The following CFAP47 variants were observed in gnomAD, a reference collection of about 807,000 sequenced individuals.
CFAP47 encodes cilia- and flagella-associated protein 47.
CFAP47 carries 29 observed loss-of-function variants against 148.1 expected under a neutral mutation model. The ratio of observed to expected loss-of-function variants is 0.20; its 90% CI spans 0.15 to 0.27. CFAP47 has a LOEUF of 0.27. Ranked by LOEUF, CFAP47 falls within the 10% of genes least tolerant of loss-of-function variation. The pLI, the probability that CFAP47 is intolerant of heterozygous loss-of-function variation, is 1.00. For missense variants in CFAP47, 1,872 were observed against 1,697.5 expected, an observed-to-expected ratio of 1.10 and a Z score of -1.81; for synonymous variants, 664 against 577.3, an observed-to-expected ratio of 1.15 and a Z score of -2.15.
At chrX:35,987,840 G>A (rs1381807780) in intron 15 of CFAP47, among the ~76,000 whole-genome samples, 7 of 111,400 alleles carry the variant, frequency 6.3e-5, no homozygotes, top group Non-Finnish European at 1.1e-4. Flanking sequence ...GGTCCATCAC[G>A]GCTTCCCTTG....
At position 35,948,478 on chromosome X, in the gene CFAP47, A is replaced by G. The variant is rs778663632; in HGVS notation, c.656+26A>G. 3.6e-6 allele frequency: 4 copies of G among 1,118,561 alleles called. No individual in the cohort carries two copies. The South Asian group carries it at 8.0e-5, about 22-fold the overall frequency. The allele number at this position is 1,118,561 out of a possible 1,213,427, so 92.2% of individuals were successfully genotyped here. A position where few individuals can be genotyped will look rare whatever the true frequency, so the allele number is the denominator to read the frequency against. ...GTGAGTATATACTGTGGTTCTAAAA[A>G]TTATAATACAGATCTCAATGCTTTC... On this transcript the variant is annotated intron_variant, in intron 4 of 63. Coordinates refer to ENST00000378653, the MANE Select transcript of CFAP47 (RefSeq NM_001304548.2).
At chrX:36,010,488 C>T (rs373877604) in intron 21 of CFAP47, among the ~76,000 whole-genome samples, 3 of 102,902 alleles carry the variant, frequency 2.9e-5, no homozygotes, top group Non-Finnish European at 5.9e-5. Context: ...GATGGAGTCT[C>T]GCTCTGTTGC....
intron 62 of CFAP47, among the ~76,000 whole-genome samples, chrX:36,368,435 G>A (rs1556020755): frequency 9.0e-6 from 1 of 110,921 alleles, no homozygotes; most frequent in Non-Finnish European, 1.9e-5. Context: ...CTTTAAGGAG[G>A]TAAAGTCAGT....
At chrX:36,005,049 G>T (rs73468945) in intron 21 of CFAP47, among the ~76,000 whole-genome samples, 1 of 109,609 alleles carries the variant, frequency 9.1e-6, no homozygotes, top group Non-Finnish European at 1.9e-5. Context: ...AATTTAGTTC[G>T]TTCTTTCATT....
intron 58 of CFAP47, among the ~76,000 whole-genome samples, chrX:36,349,359 G>A (rs1456245606): frequency 1.8e-5 from 2 of 111,206 alleles, no homozygotes; most frequent in African/African-American, 6.5e-5. Flanking sequence ...CGCCTCCCAG[G>A]TTCAAGCAAT....
intron 45 of CFAP47, among the ~76,000 whole-genome samples, chrX:36,225,407 G>T (rs781889547): frequency 2.1e-4 from 24 of 111,655 alleles, no homozygotes; most frequent in African/African-American, 7.1e-4. Context: ...GACAGCACAG[G>T]GTAGCTGGGT....
intron 46 of CFAP47, among the ~76,000 whole-genome samples, chrX:36,229,717 G>A (rs1466162628): frequency 4.7e-5 from 5 of 107,394 alleles, no homozygotes; most frequent in South Asian, 4.2e-4. Flanking sequence ...CCATTAATTC[G>A]TCATTTAGCA....
chrX:36,096,776 A>T (rs969411011), intron 30 of CFAP47, among the ~76,000 whole-genome samples: 1 of 110,207 alleles, frequency 9.1e-6, no homozygotes, highest in African/African-American at 3.3e-5. Context: ...AGATCATGGG[A>T]TCTTTGTTCA....
At chrX:35,971,039 C>A (rs1331393138) in intron 11 of CFAP47, 116 bp downstream of exon 11, 15 of 539,032 alleles carry the variant, frequency 2.8e-5, no homozygotes, top group South Asian at 3.7e-5. Context: ...CATTTCAATA[C>A]GTGATAAAAG....
intron 40 of CFAP47, among the ~76,000 whole-genome samples, chrX:36,182,998 C>G (rs767788020): frequency 2.5e-4 from 28 of 112,291 alleles, no homozygotes; most frequent in Middle Eastern, 4.7e-3. Context: ...CCACAACTAT[C>G]GTTGAAACAC....
chrX:36,233,802 C>A (rs1331313613), intron 46 of CFAP47, among the ~76,000 whole-genome samples: 1 of 110,534 alleles, frequency 9.0e-6, no homozygotes, highest in African/African-American at 3.3e-5. Context: ...TCTTTTAGGG[C>A]AGGCCTGGTG....
At chrX:36,176,967 G>A in intron 39 of CFAP47, among the ~76,000 whole-genome samples, 1 of 112,145 alleles carries the variant, frequency 8.9e-6, no homozygotes, top group East Asian at 2.8e-4. Context: ...TTAAGAACTT[G>A]TTTTAAATAA....
intron 57 of CFAP47, among the ~76,000 whole-genome samples, chrX:36,341,154 G>C (rs1556015703): frequency 1.9e-5 from 2 of 107,562 alleles, no homozygotes; most frequent in Non-Finnish European, 3.8e-5. Context: ...TCCTGCCTCA[G>C]CTTCCCGAGT....
At chrX:36,058,821 C>T (rs752712169) in intron 26 of CFAP47, among the ~76,000 whole-genome samples, 1 of 111,859 alleles carries the variant, frequency 8.9e-6, no homozygotes, top group South Asian at 3.7e-4. Context: ...GATGTCAGAT[C>T]GTCTGCTAAC....
At chrX:36,191,839 T>A (rs1283535307) in intron 42 of CFAP47, among the ~76,000 whole-genome samples, 1 of 110,034 alleles carries the variant, frequency 9.1e-6, no homozygotes, top group Non-Finnish European at 1.9e-5. Context: ...AAAAATCAGC[T>A]GGGCATAGTG....
At position 36,371,793 on chromosome X, in the gene CFAP47, T is replaced by C. The variant is rs183508266; in HGVS notation, c.9185+4666T>C. On this transcript the variant is annotated intron_variant, in intron 62 of 63. Transcript: ENST00000378653. ...ATACACACATGTGTATATATGTGTG[T>C]ATATACACACATGTATATATGTGTG... is the stretch of plus-strand genomic sequence containing the variant. Among the ~76,000 whole-genome samples, 125 of 52,171 alleles carry C rather than the reference T, an allele frequency of 2.4e-3. 17 individuals carry two copies. The highest frequency in any genetic ancestry group is 0.013 in the African/African-American group (56 of 4,337). The allele number at this position is 52,171 out of a possible 115,157, so 45.3% of individuals were successfully genotyped here. A position where few individuals can be genotyped will look rare whatever the true frequency, so the allele number is the denominator to read the frequency against.
chrX:36,082,228 T>G (rs757846494), intron 29 of CFAP47, among the ~76,000 whole-genome samples: 1 of 111,239 alleles, frequency 9.0e-6, no homozygotes, highest in Non-Finnish European at 1.9e-5. Flanking sequence ...TAAGTCAATA[T>G]AACAGGCCTG....
chrX:36,271,410 G>A (rs1940957513), intron 49 of CFAP47, among the ~76,000 whole-genome samples: 1 of 110,932 alleles, frequency 9.0e-6, no homozygotes. Flanking sequence ...GGTGTGAGGG[G>A]ACCAATTGCA....
chrX:36,228,283 G>C (rs1300577088), intron 45 of CFAP47, among the ~76,000 whole-genome samples: 3 of 111,053 alleles, frequency 2.7e-5, no homozygotes, highest in Non-Finnish European at 5.7e-5. Context: ...AAACTGAAAA[G>C]TCCTTGAGCA....
Sources: allele counts gnomAD v4.1 joint callset (sites outside exome capture counted in the v4.1 genomes callset), GRCh38; gene constraint gnomAD v4.1.1; transcripts MANE v1.5; gene names NCBI Gene and HGNC (gene_info 2026-07-23, HGNC 2026-07-21).